NAV2: variants seen among roughly 807,000 people sequenced by gnomAD.
NAV2 encodes helicase, APC down-regulated 1.
NAV2 carries 54 observed loss-of-function variants against 223.2 expected under a neutral mutation model. The ratio of observed to expected loss-of-function variants is 0.24; its 90% CI spans 0.19 to 0.30. NAV2 has a LOEUF of 0.30. NAV2 is among the 10% of genes least tolerant of loss of function. The pLI is 1.00. For synonymous variants in NAV2, 1,279 were observed against 1,239.3 expected (o/e 1.03, Z -0.67); for missense variants, 2,806 against 3,147.5 (o/e 0.89, Z 2.60).
At chr11:19,472,758 C>T (rs2042002609) in intron 1 of NAV2, among the ~76,000 whole-genome samples, 1 of 152,210 alleles carries the variant, frequency 6.6e-6, no homozygotes, top group Non-Finnish European at 1.5e-5. Flanking sequence ...TGCTACTAAA[C>T]TGAGCGGTAG....
At chr11:19,357,447 T>C (rs1005128717) in intron 1 of NAV2, among the ~76,000 whole-genome samples, 2 of 152,204 alleles carry the variant, frequency 1.3e-5, no homozygotes, top group African/African-American at 4.8e-5. Flanking sequence ...ATAATAAAAC[T>C]TTTGGTGAGG....
intron 10 of NAV2, among the ~76,000 whole-genome samples, chr11:19,950,668 C>T (rs2047317957): frequency 6.6e-6 from 1 of 152,152 alleles, no homozygotes; most frequent in Admixed American, 6.5e-5. Flanking sequence ...CAGAATCCAC[C>T]AAACCTTTTG....
At chr11:19,788,590 C>T (rs2057306548) in intron 1 of NAV2, among the ~76,000 whole-genome samples, 1 of 152,218 alleles carries the variant, frequency 6.6e-6, no homozygotes, top group South Asian at 2.1e-4. Flanking sequence ...CCATACAGCA[C>T]CAGAGAGGTG....
At chr11:19,652,067 C>G (rs1004056038) in intron 1 of NAV2, among the ~76,000 whole-genome samples, 1 of 152,136 alleles carries the variant, frequency 6.6e-6, no homozygotes, top group African/African-American at 2.4e-5. Context: ...CAAGGAGTGA[C>G]CTTATTTCAT....
At chr11:19,720,561 G>A (rs76351874) in intron 1 of NAV2, among the ~76,000 whole-genome samples, 1 of 152,192 alleles carries the variant, frequency 6.6e-6, no homozygotes, top group Non-Finnish European at 1.5e-5. Context: ...GGGTAGAAAT[G>A]GGGTCTTAGT....
chr11:19,534,610 G>C (rs572620586), intron 1 of NAV2, among the ~76,000 whole-genome samples: 1 of 152,352 alleles, frequency 6.6e-6, no homozygotes, highest in East Asian at 1.9e-4. Context: ...ATCTGCAGAT[G>C]CAAGAAGATA....
intron 11 of NAV2, among the ~76,000 whole-genome samples, chr11:20,035,070 G>C (rs1396114245): frequency 6.6e-6 from 1 of 152,176 alleles, no homozygotes; most frequent in Non-Finnish European, 1.5e-5. Flanking sequence ...GTATTAAGCA[G>C]TAAAGTGACA....
At chr11:20,023,677 G>T (rs2054731457) in intron 11 of NAV2, among the ~76,000 whole-genome samples, 1 of 143,730 alleles carries the variant, frequency 7.0e-6, no homozygotes, top group South Asian at 2.3e-4. Flanking sequence ...ACTTGTGGTT[G>T]TGTTTATACA....
intron 1 of NAV2, among the ~76,000 whole-genome samples, chr11:19,374,357 C>G (rs1019531597): frequency 1.4e-5 from 2 of 144,074 alleles, no homozygotes; most frequent in Admixed American, 1.4e-4. Flanking sequence ...AAATGACTCA[C>G]CATGTAACTG....
rs188002437 is a variant in NAV2 at position 19,777,744 on chromosome 11, G to T, written c.268-54740G>T. ...TGTCTCTGGTTGTGAGTCATTGAAG[G>T]GGGGTGGGACTGGGCTGCATTATCT... On this transcript the variant is annotated intron_variant, in intron 1 of 37. Transcript: ENST00000349880. 4.5e-3 allele frequency: 1,883 copies of T among 415,192 alleles called. 7 individuals are homozygous for T. Among genetic ancestry groups the T allele is most frequent in the Non-Finnish European group, 6.7e-3 (1,370 of 204,088 alleles). 25.7% of individuals were successfully genotyped at this position (415,192 alleles called of 1,614,324 possible).
intron 1 of NAV2, among the ~76,000 whole-genome samples, chr11:19,552,005 G>C (rs546014012): frequency 6.6e-6 from 1 of 151,992 alleles, no homozygotes; most frequent in Non-Finnish European, 1.5e-5. Flanking sequence ...AGGCCTGCAG[G>C]CTCCCTTCCC....
At chr11:19,893,454 C>T (rs2041680408) in intron 6 of NAV2, among the ~76,000 whole-genome samples, 1 of 152,042 alleles carries the variant, frequency 6.6e-6, no homozygotes. Context: ...TCTCTATTTC[C>T]CTGACGTCCA....
intron 1 of NAV2, among the ~76,000 whole-genome samples, chr11:19,638,054 C>G (rs143003063): frequency 6.6e-6 from 1 of 152,280 alleles, no homozygotes; most frequent in Non-Finnish European, 1.5e-5. Flanking sequence ...TATATTGATA[C>G]GTCACTTGTA....
intron 1 of NAV2, among the ~76,000 whole-genome samples, chr11:19,832,092 T>C (rs1385028240): frequency 2.0e-5 from 3 of 152,082 alleles, no homozygotes; most frequent in Non-Finnish European, 2.9e-5. Flanking sequence ...AACCTCCCCA[T>C]ACGTTTTCTC....
chr11:20,114,592 C>T lies in NAV2; in HGVS notation c.6961C>T (p.Leu2321Phe), dbSNP rs930473221. Residue 2321 changes from leucine (L) to phenylalanine (F), a missense_variant and splice_region_variant, in exon 37 of 38, where the codon CTC (leucine) becomes TTC (phenylalanine). Leu to Phe is a conservative substitution (Grantham distance 22). This residue lies in a region of NAV2 where 824 missense variants were observed against 1,069.4 expected (regional missense o/e 0.77). Transcript: ENST00000349880. ...CTGTTCCTTCTTTGCCTGTTTTCAG[C>T]TCTATGGAAGGCGCGCCCCCTGGGA... Reference protein sequence around the residue: ...LLEAVREGLQLYGRRAPWEDP... With the variant: ...LLEAVREGLQFYGRRAPWEDP... The T allele has an allele frequency of 1.2e-6, 2 of 1,614,000 alleles. No individual in the cohort carries two copies. The highest frequency in any genetic ancestry group is 1.7e-5 in the Admixed American group (1 of 60,024).
chr11:19,431,502 T>C (rs1190655403), intron 1 of NAV2, among the ~76,000 whole-genome samples: 5 of 152,188 alleles, frequency 3.3e-5, no homozygotes, highest in Admixed American at 3.3e-4. Flanking sequence ...GAAAATATTG[T>C]TCCAAGAAAC....
chr11:19,692,320 A>G (rs2049200290), intron 1 of NAV2, among the ~76,000 whole-genome samples: 1 of 152,270 alleles, frequency 6.6e-6, no homozygotes. Context: ...CCGGAAACCC[A>G]GGTCTGAGAA....
At chr11:19,921,272 G>C (rs766981481) in intron 6 of NAV2, among the ~76,000 whole-genome samples, 9 of 152,160 alleles carry the variant, frequency 5.9e-5, no homozygotes, top group Non-Finnish European at 1.0e-4. Context: ...CAATCATAGA[G>C]AGTGAATAAT....
intron 1 of NAV2, among the ~76,000 whole-genome samples, chr11:19,542,700 C>T (rs2134547974): frequency 6.6e-6 from 1 of 152,310 alleles, no homozygotes; most frequent in South Asian, 2.1e-4. Flanking sequence ...GTCATTTTGA[C>T]CCTAAACACA....
Sources: gnomAD v4.1 joint callset for allele counts (sites outside exome capture counted in the v4.1 genomes callset) on GRCh38, gnomAD v4.1.1 for gene constraint, gnomAD v4.1.1 regional missense constraint, MANE v1.5 for transcripts, NCBI Gene and HGNC (gene_info 2026-07-23, HGNC 2026-07-21) for gene names.